The following LARP1B variants were observed in gnomAD, a reference collection of about 807,000 sequenced individuals.
LARP1B encodes La ribonucleoprotein 1B, also known as la-related protein 1B.
LARP1B carries 76 observed loss-of-function variants against 114.2 expected under a neutral mutation model. The ratio of observed to expected loss-of-function variants is 0.67; its 90% CI spans 0.55 to 0.81. The LOEUF is 0.81. Ranked by LOEUF, LARP1B falls within the 30% of genes least tolerant of loss-of-function variation. LARP1B has a pLI of 0.00. For synonymous variants in LARP1B, 345 were observed against 348.0 expected, an observed-to-expected ratio of 0.99 and a Z score of 0.10; for missense variants, 1,014 against 1,075.8, an observed-to-expected ratio of 0.94 and a Z score of 0.80.
chr4:128,089,959 G>T (rs1775268272), intron 5 of LARP1B, among the ~76,000 whole-genome samples: 1 of 151,730 alleles, frequency 6.6e-6, no homozygotes, highest in Non-Finnish European at 1.5e-5. Flanking sequence ...TTTTGGTAGA[G>T]GCAGGGTTTC....
chr4:128,149,483 C>T (rs867516331), intron 11 of LARP1B, among the ~76,000 whole-genome samples: 33 of 152,064 alleles, frequency 2.2e-4, no homozygotes, highest in African/African-American at 7.0e-4. Context: ...AAAGGAATAT[C>T]GTTTATTTTC....
intron 10 of LARP1B, among the ~76,000 whole-genome samples, chr4:128,115,221 C>T (rs1785397169): frequency 6.6e-6 from 1 of 152,162 alleles, no homozygotes; most frequent in Non-Finnish European, 1.5e-5. Flanking sequence ...GAGGCATGAG[C>T]CACTGCACCC....
intron 12 of LARP1B, among the ~76,000 whole-genome samples, chr4:128,171,071 T>G (rs989650322): frequency 3.3e-5 from 5 of 151,842 alleles, no homozygotes; most frequent in African/African-American, 1.2e-4. Context: ...TTTTACCATT[T>G]CAATAAGAAT....
intron 7 of LARP1B, among the ~76,000 whole-genome samples, chr4:128,096,632 G>A (rs1004521446): frequency 8.0e-5 from 12 of 149,166 alleles, no homozygotes; most frequent in South Asian, 4.2e-4. Flanking sequence ...ATGGAGTCTC[G>A]CTCTGTCGCC....
chr4:128,212,983 A>ATCTCG (rs898625317), downstream of LARP1B, among the ~76,000 whole-genome samples: 1 of 131,290 alleles, frequency 7.6e-6, no homozygotes, highest in Non-Finnish European at 1.5e-5. Flanking sequence ...CAATGACGCG[A>ATCTCG]TCTCGTCTCA....
intron 1 of LARP1B, among the ~76,000 whole-genome samples, chr4:128,066,634 T>G (rs1763016432): frequency 6.6e-6 from 1 of 152,010 alleles, no homozygotes; most frequent in Admixed American, 6.6e-5. Flanking sequence ...AGCGGCACCA[T>G]GCCTGGCTAA....
intron 9 of LARP1B, among the ~76,000 whole-genome samples, chr4:128,109,936 C>G (rs180812363): frequency 5.4e-4 from 82 of 151,588 alleles, no homozygotes; most frequent in African/African-American, 2.0e-3. Context: ...CGGAGCCTCA[C>G]TCTGTCGCTC....
At chr4:128,110,360 G>C (rs895915826) in intron 9 of LARP1B, among the ~76,000 whole-genome samples, 1 of 151,472 alleles carries the variant, frequency 6.6e-6, no homozygotes, top group Non-Finnish European at 1.5e-5. Flanking sequence ...GGAAGATTAG[G>C]GTTTACTATT....
At chr4:128,073,554 T>C in intron 1 of LARP1B, among the ~76,000 whole-genome samples, 1 of 139,956 alleles carries the variant, frequency 7.1e-6, no homozygotes, top group Admixed American at 7.3e-5. Context: ...TGTAATTTTC[T>C]CCTGTTATAT....
At chr4:128,091,654 T>G (rs2149581636) in intron 7 of LARP1B, 142 bp downstream of exon 7, 2 of 585,916 alleles carry the variant, frequency 3.4e-6, no homozygotes, top group Middle Eastern at 5.1e-4. Context: ...TGGAGTGTAG[T>G]GGTACGATCT....
At chr4:128,061,542 C>A in intron 1 of LARP1B, 141 bp downstream of exon 1, 1 of 362,252 alleles carries the variant, frequency 2.8e-6, no homozygotes, top group Non-Finnish European at 3.8e-6. Context: ...GCTGCGCGGC[C>A]TCGGCGGGCG....
chr4:128,212,962 G>A (rs1309575973), downstream of LARP1B, among the ~76,000 whole-genome samples: 9 of 119,514 alleles, frequency 7.5e-5, no homozygotes, highest in South Asian at 5.9e-4. Context: ...CTTGTTGCCC[G>A]GGCTGGAGTG....
intron 12 of LARP1B, among the ~76,000 whole-genome samples, chr4:128,169,888 C>T (rs1333961107): frequency 1.3e-5 from 2 of 152,128 alleles, no homozygotes; most frequent in African/African-American, 2.4e-5. Context: ...CCACCCACCT[C>T]GGCCTCCCAA....
At chr4:128,108,033 A>G (rs888638948) in intron 9 of LARP1B, 150 of 1,492,708 alleles carry the variant, frequency 1.0e-4, no homozygotes, top group Non-Finnish European at 1.1e-4. Context: ...AAGAATGTCT[A>G]TTCCCACCTC....
At chr4:128,165,945 A>T (rs1466457813) in intron 12 of LARP1B, among the ~76,000 whole-genome samples, 5 of 152,108 alleles carry the variant, frequency 3.3e-5, no homozygotes. Context: ...TGAATCCTCA[A>T]TAACTCCTTG....
chr4:128,073,585 TTTTTTTTTTTTTTTTTTTTTTTTTG>T (rs1766471125), intron 1 of LARP1B, among the ~76,000 whole-genome samples: 1 of 26,958 alleles, frequency 3.7e-5, no homozygotes, highest in Admixed American at 5.2e-4. Context: ...TTTTTTTTTT[TTTTTTTTTTTTTTTTTTTTTTTTTG>T]GACAGAGTCT....
intron 10 of LARP1B, among the ~76,000 whole-genome samples, chr4:128,120,967 C>T (rs573764501): frequency 1.5e-4 from 22 of 149,610 alleles, no homozygotes; most frequent in Admixed American, 3.3e-4. Flanking sequence ...CGTGCCACCA[C>T]GCCTGGCTAA....
At position 128,194,962 on chromosome 4, in the gene LARP1B, T is replaced by C. The variant is rs577943551; in HGVS notation, c.2004-4477T>C. Among the ~76,000 whole-genome samples the C allele has an allele frequency of 3.9e-5, 6 of 152,240 alleles. No individual in the cohort carries two copies. In the South Asian group the frequency reaches 1.2e-3, roughly 32 times the overall value. On this transcript the variant is annotated intron_variant, in intron 15 of 19. Transcript: ENST00000326639. Reference sequence around the variant, plus strand: ...AGAGTCTTCAACATATTAATCATGGTTATTTTAAAGTTCATTTGTGATTAT... The same window carrying C: ...AGAGTCTTCAACATATTAATCATGGCTATTTTAAAGTTCATTTGTGATTAT...
chr4:128,131,419 CTG>C lies in LARP1B; in HGVS notation c.1524+9239_1524+9240del, dbSNP rs554841658. Among the ~76,000 whole-genome samples the C allele has an allele frequency of 3.9e-4, 59 of 152,270 alleles. No homozygotes were observed. In the South Asian group the frequency reaches 0.012, roughly 31 times the overall value. ...TTCTTTAAAAAAAGTTTTTACCAGT[CTG>C]TGTGTGTTGAAAAATATTTGTAATA... On this transcript the variant is annotated intron_variant, in intron 11 of 19. Transcript: ENST00000326639.
Sources: allele counts gnomAD v4.1 joint callset (sites outside exome capture counted in the v4.1 genomes callset), GRCh38; gene constraint gnomAD v4.1.1; transcripts MANE v1.5; gene names NCBI Gene and HGNC (gene_info 2026-07-23, HGNC 2026-07-21).